Variants in FBXL16 observed in about 807,000 individuals in gnomAD.
FBXL16 encodes the protein F-box/LRR-repeat protein 16.
Under a neutral mutation model 36.7 loss-of-function variants are expected in FBXL16, and 7 were observed. That is an observed-to-expected ratio of 0.19 (90% CI 0.11 to 0.36). FBXL16 has a LOEUF of 0.36. Ranked by LOEUF, FBXL16 falls within the 10% of genes least tolerant of loss-of-function variation. FBXL16 has a pLI of 1.00. For synonymous variants in FBXL16, 355 were observed against 308.7 expected, an observed-to-expected ratio of 1.15 and a Z score of -1.57; for missense variants, 463 against 659.4, an observed-to-expected ratio of 0.70 and a Z score of 3.26.
At chr16:699,075 A>T (rs1419018615) in intron 1 of FBXL16, among the ~76,000 whole-genome samples, 1 of 152,214 alleles carries the variant, frequency 6.6e-6, no homozygotes, top group Non-Finnish European at 1.5e-5. Flanking sequence ...CTTCTGCCCA[A>T]TGAGAACGAT....
rs944402067 is a variant in FBXL16, at chr16:694,712, G to C, written c.1228-15C>G. The C allele has an allele frequency of 6.3e-7, 1 of 1,598,016 alleles. No individual in the cohort carries two copies. The highest frequency in any genetic ancestry group is 1.7e-5 in the Admixed American group (1 of 57,880). On this transcript the variant is annotated splice_polypyrimidine_tract_variant and intron_variant, in intron 4 of 5. Coordinates refer to ENST00000397621, the MANE Select transcript of FBXL16 (RefSeq NM_153350.4). The stretch of plus-strand genomic sequence containing the variant: ...AAGTCTTGCACCTGTCGGGAGTGGA[G>C]GAGCGACTTAACGATTTCCGCTCGC...
Position 694,398 on chromosome 16 carries a change from C to T in FBXL16, c.1317G>A (p.Gly439=). The part of the protein sequence containing the change: ...LAGCPLLTTT[G]LSGLVQLQEL... ...CCTGCAGCTGCACCAGGCCCGACAG[C>T]CCGGTGGTGGTGAGCAGCGGGCAGC... Residue 439 remains glycine, a synonymous_variant, in exon 6 of 6, where the codon GGG becomes GGA. Transcript: ENST00000397621. The T allele has an allele frequency of 1.3e-6, 2 of 1,549,714 alleles. No homozygotes were observed. Among genetic ancestry groups the T allele is most frequent in the Non-Finnish European group, 1.7e-6 (2 of 1,156,526 alleles).
At position 694,026 on chromosome 16, in the gene FBXL16, C is replaced by T. The variant is rs943410895; in HGVS notation, c.*249G>A. ...GCAGTGCGGGCACGAGGGGCATGCA[C>T]AAAGTCCCCGAGTGTGCGTGCGTGC... On this transcript the variant is annotated 3_prime_UTR_variant, in exon 6 of 6. Transcript: ENST00000397621. 1.0e-5 allele frequency: 2 copies of T among 199,720 alleles called. No individual in the cohort carries two copies. The highest frequency in any genetic ancestry group is 2.0e-5 in the Non-Finnish European group (2 of 99,122). 12.4% of individuals were successfully genotyped at this position (199,720 alleles called of 1,614,324 possible).
chr16:697,551 G>C lies in FBXL16; in HGVS notation c.-14-132C>G. 1 of 1,171,660 alleles carries C rather than the reference G, an allele frequency of 8.5e-7. No individual in the cohort carries two copies. The highest frequency in any genetic ancestry group is 1.2e-6 in the Non-Finnish European group (1 of 867,728). 72.6% of individuals were successfully genotyped at this position (1,171,660 alleles called of 1,614,324 possible). On this transcript the variant is annotated intron_variant, in intron 1 of 5. Transcript: ENST00000397621. The surrounding 1 kb of genome is among the most constrained non-coding windows in gnomAD (Gnocchi z 4.6). ...TGCTCCCAGAACCACCAGACAGAGA[G>C]GATGGGAGTGCCTGCTTCTCCCTCC...
At chr16:694,939 C>G in intron 4 of FBXL16, 53 bp downstream of exon 4, 2 of 1,474,772 alleles carry the variant, frequency 1.4e-6, no homozygotes, top group South Asian at 2.8e-5. Context: ...GAGCTCTCCC[C>G]GCGCCCCCAC....
intron 1 of FBXL16, among the ~76,000 whole-genome samples, chr16:698,752 A>T (rs2151521391): frequency 6.6e-6 from 1 of 152,102 alleles, no homozygotes; most frequent in East Asian, 1.9e-4. Context: ...CTTCTCTACT[A>T]AAAATACAAA....
At chr16:696,353 C>T (rs761645166) in intron 2 of FBXL16, among the ~76,000 whole-genome samples, 15 of 152,146 alleles carry the variant, frequency 9.9e-5, no homozygotes, top group Non-Finnish European at 1.8e-4. Flanking sequence ...CCCCGCCTCC[C>T]GGGTTCAAGC....
chr16:694,266 G>T lies in FBXL16; in HGVS notation c.*9C>A. 1.5e-6 allele frequency: 2 copies of T among 1,370,540 alleles called. No homozygotes were observed. Among genetic ancestry groups the T allele is most frequent in the Non-Finnish European group, 1.9e-6 (2 of 1,058,500 alleles). 84.9% of individuals were successfully genotyped at this position (1,370,540 alleles called of 1,614,324 possible). On this transcript the variant is annotated 3_prime_UTR_variant, in exon 6 of 6. Coordinates refer to ENST00000397621, the MANE Select transcript of FBXL16 (RefSeq NM_153350.4). ...GCCGGGTTCCCGCGACCGGGGCGGG[G>T]GCCTCGCGCTACTCAATGACGAGGC...
In FBXL16 at chr16:695,638, T is replaced by C; in HGVS notation, c.919A>G (p.Ile307Val). 6.2e-7 allele frequency: 1 copy of C among 1,606,774 alleles called. No individual in the cohort carries two copies. Among genetic ancestry groups the C allele is most frequent in the Non-Finnish European group, 8.5e-7 (1 of 1,179,104 alleles). The change falls in exon 3 of 6, where the codon ATC (isoleucine) becomes GTC (valine). Residue 307 changes from isoleucine (I) to valine (V), a missense_variant. Around this residue, in one of 3 missense-constraint regions of FBXL16, gnomAD observed 66 missense variants for 146.3 expected, o/e 0.45. Transcript: ENST00000397621. Reference sequence around the variant, plus strand: ...ACGTTGACCACGCCGTGGTTGGTGATCTCCCAGCAGGAGAGCAGGCGCAGC... The same window carrying C: ...ACGTTGACCACGCCGTGGTTGGTGACCTCCCAGCAGGAGAGCAGGCGCAGC... ...HTLRLLSCWE[I>V]TNHGVVNVVH...
Position 697,439 on chromosome 16 carries a change from G to T in FBXL16, c.-14-20C>A, listed in dbSNP as rs926001267. The T allele has an allele frequency of 9.3e-6, 14 of 1,513,250 alleles. 1 individual carries two copies. The highest frequency in any genetic ancestry group is 7.4e-5 in the East Asian group (3 of 40,600). 93.7% of individuals were successfully genotyped at this position (1,513,250 alleles called of 1,614,324 possible). A position where few individuals can be genotyped will look rare whatever the true frequency, so the allele number is the denominator to read the frequency against. ...CACGCTCTGTGGATGAGGGCCGGGA[G>T]GGGGAGTGAGTCTGTTGCTGAGTCT... On this transcript the variant is annotated intron_variant, in intron 1 of 5. Transcript: ENST00000397621. This position sits in a 1 kb window ranked among gnomAD's most constrained non-coding sequence, Gnocchi z 4.6.
At chr16:700,835 G>C (rs570956189) in intron 1 of FBXL16, among the ~76,000 whole-genome samples, 74 of 152,222 alleles carry the variant, frequency 4.9e-4, no homozygotes, top group African/African-American at 1.7e-3. Flanking sequence ...GGCCAGGCCC[G>C]GGCTGGCTTC....
chr16:696,525 T>C (rs1013722080), intron 2 of FBXL16, among the ~76,000 whole-genome samples: 3 of 152,186 alleles, frequency 2.0e-5, no homozygotes, highest in Non-Finnish European at 4.4e-5. Context: ...CGGCCTCCCA[T>C]AGTGCCGGGA....
At chr16:695,389 G>A in intron 3 of FBXL16, 26 bp downstream of exon 3, 1 of 1,483,044 alleles carries the variant, frequency 6.7e-7, no homozygotes, top group Non-Finnish European at 8.9e-7. Context: ...GCCCAGCCCC[G>A]CCCGGCGCGG....
chr16:702,087 T>C (rs1264943492), intron 1 of FBXL16, among the ~76,000 whole-genome samples: 1 of 152,152 alleles, frequency 6.6e-6, no homozygotes. Context: ...CACATGTACA[T>C]GTACAGCATC....
Position 694,644 on chromosome 16 carries a change from C to T in FBXL16, c.1281G>A (p.Leu427=), listed in dbSNP as rs1355830651. 1.2e-6 allele frequency: 2 copies of T among 1,609,948 alleles called. No individual in the cohort carries two copies. Among genetic ancestry groups the T allele is most frequent in the Non-Finnish European group, 1.7e-6 (2 of 1,178,590 alleles). The change falls in exon 5 of 6, where the codon CTG becomes CTA. Residue 427 remains leucine, a synonymous_variant. Transcript: ENST00000397621. ...HLLALGSLRL[L]SLAGCPLLTT... ...AAACGGGGGTCTCACCTGCCAGAGA[C>T]AGGAGGCGCAAACTCCCCAGGGCCA...
intron 1 of FBXL16, among the ~76,000 whole-genome samples, chr16:698,522 C>G (rs2040031870): frequency 6.6e-6 from 1 of 152,228 alleles, no homozygotes; most frequent in Non-Finnish European, 1.5e-5. Flanking sequence ...GGGGTGGCCT[C>G]TGGCCCCTCC....
chr16:702,525 G>C (rs922470718), intron 1 of FBXL16, among the ~76,000 whole-genome samples: 1 of 152,220 alleles, frequency 6.6e-6, no homozygotes, highest in African/African-American at 2.4e-5. Flanking sequence ...AATGAATTAG[G>C]GAACGAATGA....
intron 1 of FBXL16, among the ~76,000 whole-genome samples, chr16:700,465 C>T (rs2040047487): frequency 6.6e-6 from 1 of 152,124 alleles, no homozygotes; most frequent in Non-Finnish European, 1.5e-5. Flanking sequence ...ATGATTCGAC[C>T]TCACGGCCGC....
In FBXL16 at chr16:696,776, G is replaced by A. The variant is rs777800099; in HGVS notation, c.630C>T (p.Leu210=). Residue 210 remains leucine (L), a synonymous_variant, in exon 2 of 6, where the codon CTC becomes CTT. Coordinates refer to ENST00000397621, the MANE Select transcript of FBXL16 (RefSeq NM_153350.4). ...CCCCCCCGAGCCTGGTGCACACCTCGAGGCCTGCGTCCGTGATGGTGGAGC... is the reference window on the plus strand; with the variant it reads ...CCCCCCCGAGCCTGGTGCACACCTCAAGGCCTGCGTCCGTGATGGTGGAGC... ...LKRSTITDAG[L]EVMLEQMQGV... 3.3e-5 allele frequency: 32 copies of A among 977,980 alleles called. No homozygotes were observed. In the Admixed American group the frequency reaches 8.7e-4, roughly 26 times the overall value. The allele number at this position is 977,980 out of a possible 1,614,324, so 60.6% of individuals were successfully genotyped here. A position where few individuals can be genotyped will look rare whatever the true frequency, so the allele number is the denominator to read the frequency against.
Sources: gnomAD v4.1 joint callset for allele counts (sites outside exome capture counted in the v4.1 genomes callset) on GRCh38, gnomAD v4.1.1 for gene constraint, gnomAD v4.1.1 regional missense constraint, Gnocchi (gnomAD v3.1) non-coding constraint, MANE v1.5 for transcripts, NCBI Gene and HGNC (gene_info 2026-07-23, HGNC 2026-07-21) for gene names.